STAU2: variants seen among roughly 807,000 people sequenced by gnomAD.
STAU2 encodes double-stranded RNA-binding protein Staufen homolog 2.
STAU2 carries 20 observed loss-of-function variants against 65.9 expected under a neutral mutation model. The observed-to-expected ratio is 0.30, with a 90% CI of 0.21 to 0.44. STAU2 has a LOEUF of 0.44. Ranked by LOEUF, STAU2 falls within the 20% of genes least tolerant of loss-of-function variation. The pLI, the probability that STAU2 is intolerant of heterozygous loss-of-function variation, is 1.00. For missense variants in STAU2, 558 were observed against 683.9 expected (o/e 0.82, Z 2.05); for synonymous variants, 232 against 233.9 (o/e 0.99, Z 0.07).
chr8:73,529,563 C>T (rs1805673089), intron 13 of STAU2, among the ~76,000 whole-genome samples: 2 of 151,988 alleles, frequency 1.3e-5, no homozygotes, highest in Non-Finnish European at 2.9e-5. Flanking sequence ...TTAGAAAGGA[C>T]AAAAATAGGA....
intron 5 of STAU2, among the ~76,000 whole-genome samples, chr8:73,685,704 G>A (rs1227316207): frequency 6.6e-6 from 1 of 152,022 alleles, no homozygotes; most frequent in Non-Finnish European, 1.5e-5. Flanking sequence ...ACCACTGGTG[G>A]GAATGTCAAC....
At chr8:73,528,615 AT>A (rs562122431) in intron 13 of STAU2, among the ~76,000 whole-genome samples, 82 of 152,308 alleles carry the variant, frequency 5.4e-4, no homozygotes, top group African/African-American at 1.9e-3. Context: ...TGCTTATAGA[AT>A]AAATTAGGGA....
intron 13 of STAU2, among the ~76,000 whole-genome samples, chr8:73,510,033 TG>T (rs1287526996): frequency 1.3e-5 from 2 of 152,286 alleles, no homozygotes; most frequent in Non-Finnish European, 2.9e-5. Context: ...TGTAAAAATA[TG>T]CATAAATCTT....
chr8:73,569,923 A>G (rs1324629051), intron 12 of STAU2, among the ~76,000 whole-genome samples: 1 of 152,252 alleles, frequency 6.6e-6, no homozygotes, highest in Admixed American at 6.5e-5. Context: ...AAAGGAATAC[A>G]GCTCCTCGCC....
chr8:73,464,943 G>A (rs1819569922), intron 13 of STAU2, among the ~76,000 whole-genome samples: 1 of 152,176 alleles, frequency 6.6e-6, no homozygotes, highest in African/African-American at 2.4e-5. Flanking sequence ...GCTAAAATGA[G>A]GTCATTGCCC....
chr8:73,598,496 G>T (rs749972445), intron 10 of STAU2, among the ~76,000 whole-genome samples: 14 of 151,954 alleles, frequency 9.2e-5, no homozygotes, highest in Non-Finnish European at 1.5e-4. Flanking sequence ...CAAAGTGCTG[G>T]GATTACAGGT....
chr8:73,529,913 C>A (rs961971443), intron 13 of STAU2, among the ~76,000 whole-genome samples: 1 of 152,172 alleles, frequency 6.6e-6, no homozygotes, highest in East Asian at 1.9e-4. Context: ...ATTTTCCAGG[C>A]TCCCTTGCAA....
At chr8:73,548,090 TG>T (rs1184641697) in intron 13 of STAU2, among the ~76,000 whole-genome samples, 1 of 152,104 alleles carries the variant, frequency 6.6e-6, no homozygotes, top group African/African-American at 2.4e-5. Context: ...TTGGTATCTT[TG>T]GGGGTCCTAG....
intron 6 of STAU2, among the ~76,000 whole-genome samples, chr8:73,626,745 C>T (rs1813671017): frequency 1.3e-5 from 2 of 152,144 alleles, no homozygotes; most frequent in Non-Finnish European, 2.9e-5. Flanking sequence ...TAACCAGTTA[C>T]AGTTTTGCCA....
At chr8:73,479,220 A>C (rs1451052024) in intron 13 of STAU2, among the ~76,000 whole-genome samples, 1 of 152,176 alleles carries the variant, frequency 6.6e-6, no homozygotes, top group Non-Finnish European at 1.5e-5. Context: ...ACCTTTAAAA[A>C]GTTAGTAATT....
chr8:73,562,992 A>G (rs1256641557), intron 12 of STAU2, among the ~76,000 whole-genome samples: 1 of 152,014 alleles, frequency 6.6e-6, no homozygotes, highest in Non-Finnish European at 1.5e-5. Context: ...TACTTATCCA[A>G]TTTTTAAATT....
At chr8:73,638,763 A>T (rs747198930) in intron 6 of STAU2, among the ~76,000 whole-genome samples, 1 of 151,998 alleles carries the variant, frequency 6.6e-6, no homozygotes, top group Non-Finnish European at 1.5e-5. Context: ...TGATTCCATA[A>T]GAAGATGCCA....
rs80297202 is a variant in STAU2 at position 73,613,343 on chromosome 8, G to T, written c.891+401C>A. 1.5e-3 allele frequency among the ~76,000 whole-genome samples: 231 copies of T among 152,220 alleles called. 2 individuals are homozygous for T. In the East Asian group the frequency reaches 0.019, roughly 13 times the overall value. On this transcript the variant is annotated intron_variant, in intron 9 of 14. Coordinates refer to ENST00000524300, the MANE Select transcript of STAU2 (RefSeq NM_001164380.2). ...AGAACACTGGATTAGAGATCAGAGCGGTTCAGGAGGTTTGACATGATTGCT... is the reference window on the plus strand; with the variant it reads ...AGAACACTGGATTAGAGATCAGAGCTGTTCAGGAGGTTTGACATGATTGCT...
intron 13 of STAU2, among the ~76,000 whole-genome samples, chr8:73,472,786 A>G (rs1820103666): frequency 6.6e-6 from 1 of 152,154 alleles, no homozygotes; most frequent in Admixed American, 6.5e-5. Context: ...GAGAAACACA[A>G]CCCACCTTCG....
At position 73,420,989 on chromosome 8, in the gene STAU2, G is replaced by C. The variant is rs1803175469; in HGVS notation, c.*383C>G. 1 of 177,496 alleles carries C rather than the reference G, an allele frequency of 5.6e-6. No individual in the cohort carries two copies. The highest frequency in any genetic ancestry group is 5.8e-5 in the Admixed American group (1 of 17,140). 11.0% of individuals were successfully genotyped at this position (177,496 alleles called of 1,614,324 possible). On this transcript the variant is annotated 3_prime_UTR_variant, in exon 15 of 15. Coordinates refer to ENST00000524300, the MANE Select transcript of STAU2 (RefSeq NM_001164380.2). ...AATGAGAGAGAGAGAGAATATAACT[G>C]AACACAAGCACCACGACAAAACAAT...
chr8:73,692,585 G>C (rs1406912960), intron 4 of STAU2, among the ~76,000 whole-genome samples: 2 of 152,170 alleles, frequency 1.3e-5, no homozygotes, highest in African/African-American at 4.8e-5. Flanking sequence ...GTTCCCCTGA[G>C]TCTTGTGAGC....
At chr8:73,459,687 A>G (rs1819245786) in intron 13 of STAU2, among the ~76,000 whole-genome samples, 1 of 152,244 alleles carries the variant, frequency 6.6e-6, no homozygotes, top group South Asian at 2.1e-4. Flanking sequence ...CCGCCTCCAC[A>G]TATCGTCACA....
At chr8:73,456,713 T>C (rs1819092966) in intron 13 of STAU2, among the ~76,000 whole-genome samples, 1 of 152,222 alleles carries the variant, frequency 6.6e-6, no homozygotes, top group South Asian at 2.1e-4. Flanking sequence ...CTGGAGCTGA[T>C]AACATTCTCT....
intron 11 of STAU2, among the ~76,000 whole-genome samples, chr8:73,587,248 G>A (rs78586074): frequency 6.6e-6 from 1 of 152,096 alleles, no homozygotes; most frequent in East Asian, 1.9e-4. Context: ...CAAGTGTGTG[G>A]CAAATATAAA....
Sources: gnomAD v4.1 joint callset for allele counts (sites outside exome capture counted in the v4.1 genomes callset) on GRCh38, gnomAD v4.1.1 for gene constraint, MANE v1.5 for transcripts, NCBI Gene and HGNC (gene_info 2026-07-23, HGNC 2026-07-21) for gene names.